Variants in SOHLH1 observed in about 807,000 individuals in gnomAD.
The protein encoded by SOHLH1 is spermatogenesis- and oogenesis-specific basic helix-loop-helix-containing protein 1.
A neutral mutation model predicts 36.2 loss-of-function variants in SOHLH1; 23 were observed. The observed-to-expected ratio is 0.64, with a 90% confidence interval of 0.46 to 0.90. SOHLH1 has a LOEUF of 0.90. Among genes scored for constraint, SOHLH1 ranks in the 40% least tolerant of loss-of-function variants. The pLI is 0.00. For missense variants in SOHLH1, 608 were observed against 517.0 expected, an observed-to-expected ratio of 1.18 and a Z score of -1.71; for synonymous variants, 289 against 228.3, an observed-to-expected ratio of 1.27 and a Z score of -2.40.
intron 1 of SOHLH1, 104 bp from the exon 2 acceptor site, chr9:135,699,230 G>A (rs558000870): frequency 6.5e-7 from 1 of 1,533,604 alleles, no homozygotes; most frequent in East Asian, 2.4e-5. Flanking sequence ...TGGAAGCCAA[G>A]ACTGGGTCAC....
upstream of SOHLH1, among the ~76,000 whole-genome samples, chr9:135,701,139 C>T (rs960567940): frequency 7.9e-5 from 12 of 152,216 alleles, no homozygotes; most frequent in Non-Finnish European, 1.5e-4. Context: ...GAGGAAAAAC[C>T]CCCAAGATGC....
rs1305115002 is a variant in SOHLH1 at position 135,695,133 on chromosome 9, C to T, written c.792G>A (p.Leu264=). 6.3e-7 allele frequency: 1 copy of T among 1,598,474 alleles called. No homozygotes were observed. The highest frequency in any genetic ancestry group is 8.5e-7 in the Non-Finnish European group (1 of 1,174,612). The change falls in exon 6 of 8, where the codon CTG becomes CTA. Residue 264 remains leucine, a synonymous_variant. Coordinates refer to ENST00000425225, the MANE Select transcript of SOHLH1 (RefSeq NM_001101677.2). ...CCATGGCCAGGGGCCCAGCCTGGCCCAGCCAGCCAAGGGCCTCCCCGCTCA... is the reference window on the plus strand; with the variant it reads ...CCATGGCCAGGGGCCCAGCCTGGCCTAGCCAGCCAAGGGCCTCCCCGCTCA... ...PVMSGEALGW[L]GQAGPLAMGA...
Position 135,699,469 on chromosome 9 carries a change from A to T in SOHLH1, c.-2T>A, listed in dbSNP as rs1402944180. 1.2e-6 allele frequency: 2 copies of T among 1,611,840 alleles called. No individual in the cohort carries two copies. The highest frequency in any genetic ancestry group is 1.7e-6 in the Non-Finnish European group (2 of 1,179,686). On this transcript the variant is annotated 5_prime_UTR_variant, in exon 1 of 8. Coordinates refer to ENST00000425225, the MANE Select transcript of SOHLH1 (RefSeq NM_001101677.2). ...GGGCTCGGAGCACCGGGACGCCATG[A>T]ACTCGCAGCTGCGGAGCGACCCCAC...
rs776340720 is a variant in SOHLH1 at position 135,693,839 on chromosome 9, C to T, written c.947-25G>A. 3 of 1,531,046 alleles carry T rather than the reference C, an allele frequency of 2.0e-6. No individual in the cohort carries two copies. The South Asian group carries it at 3.6e-5, about 18-fold the overall frequency. 94.8% of individuals were successfully genotyped at this position (1,531,046 alleles called of 1,614,324 possible). On this transcript the variant is annotated intron_variant, in intron 7 of 7. Transcript: ENST00000425225. Reference sequence around the variant, plus strand: ...CCTGGAAGCAAACAGGACACATCGGCAGGGCAGGCAGGTGCTCTGGGAGCT... The same window carrying T: ...CCTGGAAGCAAACAGGACACATCGGTAGGGCAGGCAGGTGCTCTGGGAGCT...
chr9:135,696,521 T>C, intron 5 of SOHLH1, 91 bp downstream of exon 5: 1 of 1,455,882 alleles, frequency 6.9e-7, no homozygotes, highest in Non-Finnish European at 9.3e-7. Flanking sequence ...GAACCCCGTT[T>C]GCAAACAGCC....
chr9:135,693,736 C>T lies in SOHLH1; in HGVS notation c.1025G>A (p.Gly342Asp). 6.3e-7 allele frequency: 1 copy of T among 1,575,182 alleles called. No homozygotes were observed. The highest frequency in any genetic ancestry group is 8.6e-7 in the Non-Finnish European group (1 of 1,161,300). Residue 342 changes from glycine to aspartate, a missense_variant, in exon 8 of 8, where the codon GGC becomes GAC. By Grantham distance (94) the Gly-to-Asp change is moderately conservative (BLOSUM62 -1). Coordinates refer to ENST00000425225, the MANE Select transcript of SOHLH1 (RefSeq NM_001101677.2). Reference sequence around the variant, plus strand: ...GCCAAGCTCAGGGTCCCCTAGGAAGCCTGGCTCTCCAACATCCAGTGGACT... The same window carrying T: ...GCCAAGCTCAGGGTCCCCTAGGAAGTCTGGCTCTCCAACATCCAGTGGACT... ...ESSPLDVGEPGFLGDPELGSQ... is the reference protein window; with the variant it reads ...ESSPLDVGEPDFLGDPELGSQ...
upstream of SOHLH1, among the ~76,000 whole-genome samples, chr9:135,701,708 CGGGGGGTGTGGGGGCG>C (rs1004672138): frequency 3.6e-5 from 5 of 140,392 alleles, no homozygotes; most frequent in African/African-American, 5.1e-5. Flanking sequence ...CCGCAGCCTG[CGGGGGGTGTGGGGGCG>C]GGGGGGCGGG....
intron 5 of SOHLH1, 77 bp downstream of exon 5, chr9:135,696,535 A>G (rs1834806568): frequency 1.3e-6 from 2 of 1,536,128 alleles, no homozygotes; most frequent in African/African-American, 1.4e-5. Context: ...AACAGCCCCC[A>G]TTGTTCTTAG....
chr9:135,700,856 G>A (rs572460596), upstream of SOHLH1, among the ~76,000 whole-genome samples: 8 of 152,236 alleles, frequency 5.3e-5, no homozygotes, highest in East Asian at 5.8e-4. Context: ...AGGGATGGAC[G>A]GGCTGGCGAT....
Position 135,695,252 on chromosome 9 carries a change from G to A in SOHLH1, c.673C>T (p.Leu225=). 2 of 1,595,870 alleles carry A rather than the reference G, an allele frequency of 1.3e-6. No homozygotes were observed. The highest frequency in any genetic ancestry group is 1.7e-6 in the Non-Finnish European group (2 of 1,173,256). ...CTCCGGCCTGGGGGCCACGGCACCA[G>A]GCTGGAAGGTTCTGGGAGAGAAGTC... ...GLPPFSEPSS[L]VPWPPGRSLP... is the part of the protein sequence containing the mutation. Residue 225 remains leucine, a synonymous_variant, in exon 6 of 8, where the codon CTG becomes TTG. Transcript: ENST00000425225.
chr9:135,695,342 G>C (rs1328953206), intron 5 of SOHLH1, 79 bp from the exon 6 acceptor site: 2 of 1,394,552 alleles, frequency 1.4e-6, no homozygotes, highest in East Asian at 2.5e-5. Flanking sequence ...TGACTCACGG[G>C]CTCGGTCCAC....
Position 135,698,974 on chromosome 9 carries a change from CT to C in SOHLH1, c.197+20del. The stretch of plus-strand genomic sequence containing the variant: ...CCACCCCTTTACAGCGCCCTCACCC[CT>C]GGGAGGCACCACCACTCACCTGCGC... On this transcript the variant is annotated intron_variant, in intron 2 of 7. Transcript: ENST00000425225. 6.2e-7 allele frequency: 1 copy of C among 1,611,288 alleles called. No individual in the cohort carries two copies. The highest frequency in any genetic ancestry group is 8.5e-7 in the Non-Finnish European group (1 of 1,179,746).
chr9:135,695,872 G>T (rs1450989392), intron 5 of SOHLH1, among the ~76,000 whole-genome samples: 1 of 152,202 alleles, frequency 6.6e-6, no homozygotes, highest in Non-Finnish European at 1.5e-5. Context: ...GGTGGCAGAG[G>T]GAACAGCTGG....
intron 1 of SOHLH1, 132 bp from the exon 2 acceptor site, chr9:135,699,258 C>A: frequency 6.7e-7 from 1 of 1,503,152 alleles, no homozygotes; most frequent in South Asian, 1.2e-5. Flanking sequence ...CACGGCCCGG[C>A]CCTCTCTGCA....
At chr9:135,701,082 C>T (rs1835017375), upstream of SOHLH1, among the ~76,000 whole-genome samples, 2 of 152,266 alleles carry the variant, frequency 1.3e-5, no homozygotes, top group African/African-American at 4.8e-5. Flanking sequence ...GGCACCCGCC[C>T]AGGGGTGGTG....
upstream of SOHLH1, chr9:135,699,512 C>CAGGCAGCCCCGCCCCCTCACGT: frequency 6.3e-7 from 1 of 1,587,952 alleles, no homozygotes; most frequent in Non-Finnish European, 8.6e-7. Flanking sequence ...GCCCCTTCCG[C>CAGGCAGCCCCGCCCCCTCACGT]AGGCAGCCCC....
In SOHLH1 at chr9:135,697,558, G is replaced by T; in HGVS notation, c.415C>A (p.Gln139Lys). 6.2e-7 allele frequency: 1 copy of T among 1,612,684 alleles called. No homozygotes were observed. Among genetic ancestry groups the T allele is most frequent in the South Asian group, 1.1e-5 (1 of 91,020 alleles). The change falls in exon 4 of 8, where the codon CAG (glutamine) becomes AAG (lysine). Residue 139 changes from glutamine to lysine, a missense_variant. Coordinates refer to ENST00000425225, the MANE Select transcript of SOHLH1 (RefSeq NM_001101677.2). ...GGGTCTGGCACACCTGCTTGAATCTGACTCGACAACGTCAACTGTAAAACA... is the reference window on the plus strand; with the variant it reads ...GGGTCTGGCACACCTGCTTGAATCTTACTCGACAACGTCAACTGTAAAACA... ...EDVLQLTLSS[Q>K]IQAGVPDPGT...
At chr9:135,696,875 C>T in intron 4 of SOHLH1, 70 bp from the exon 5 acceptor site, 1 of 1,531,736 alleles carries the variant, frequency 6.5e-7, no homozygotes, top group Non-Finnish European at 8.9e-7. Flanking sequence ...CCCCACCCAC[C>T]CCAAGAGCAG....
chr9:135,699,557 GC>G, upstream of SOHLH1: 2 of 1,392,700 alleles, frequency 1.4e-6, no homozygotes, highest in Middle Eastern at 2.3e-4. Context: ...CCTGCCACGT[GC>G]TTTCCACCTA....
Sources: allele counts gnomAD v4.1 joint callset (sites outside exome capture counted in the v4.1 genomes callset), GRCh38; gene constraint gnomAD v4.1.1; transcripts MANE v1.5; gene names NCBI Gene and HGNC (gene_info 2026-07-23, HGNC 2026-07-21).